ZFHX3: variants seen among roughly 807,000 people sequenced by gnomAD.
ZFHX3 encodes the protein zinc finger homeobox protein 3.
A neutral mutation model predicts 279.1 loss-of-function variants in ZFHX3; 42 were observed. The observed-to-expected ratio is 0.15, with a 90% CI of 0.12 to 0.19. The LOEUF is 0.19. Ranked by LOEUF, ZFHX3 falls within the 10% of genes least tolerant of loss-of-function variation. ZFHX3 has a pLI of 1.00. For synonymous variants in ZFHX3, 2,293 were observed against 1,957.8 expected, an observed-to-expected ratio of 1.17 and a Z score of -4.52; for missense variants, 4,981 against 4,754.0, an observed-to-expected ratio of 1.05 and a Z score of -1.40.
At chr16:73,717,439 C>G (rs1057514408) in intron 1 of ZFHX3, among the ~76,000 whole-genome samples, 1 of 152,196 alleles carries the variant, frequency 6.6e-6, no homozygotes, top group Admixed American at 6.5e-5. Context: ...GAGGCCACCA[C>G]TGTCTGGTTA....
intron 1 of ZFHX3, among the ~76,000 whole-genome samples, chr16:73,722,867 C>G (rs2053487234): frequency 6.6e-6 from 1 of 152,124 alleles, no homozygotes; most frequent in Non-Finnish European, 1.5e-5. Context: ...AGTAAGAGAG[C>G]TAGTCATTTC....
rs1182574181 is a variant in ZFHX3, at chr16:72,785,853, A to G, written c.*1311T>C. 6.6e-6 allele frequency: 1 copy of G among 152,218 alleles called. No homozygotes were observed. The highest frequency in any genetic ancestry group is 1.5e-5 in the Non-Finnish European group (1 of 68,022). 9.4% of individuals were successfully genotyped at this position (152,218 alleles called of 1,614,324 possible). A position where few individuals can be genotyped will look rare whatever the true frequency, so the allele number is the denominator to read the frequency against. On this transcript the variant is annotated 3_prime_UTR_variant, in exon 10 of 10. Transcript: ENST00000268489. ...AAGCCAAAAGAAGGATAAATAAAAA[A>G]TAAATGCACAAAGCTAACAGACACA...
At chr16:73,808,916 G>C (rs144874002) in intron 1 of ZFHX3, among the ~76,000 whole-genome samples, 6 of 152,326 alleles carry the variant, frequency 3.9e-5, no homozygotes, top group Middle Eastern at 3.4e-3. Context: ...AGAAGTTTAA[G>C]AGTCACAGCA....
At chr16:73,245,023 G>A (rs1199112619) in intron 5 of ZFHX3, among the ~76,000 whole-genome samples, 1 of 152,184 alleles carries the variant, frequency 6.6e-6, no homozygotes, top group African/African-American at 2.4e-5. Context: ...TTTGACCAGA[G>A]AAACTGGTGA....
chr16:73,275,933 C>T (rs974967908), intron 4 of ZFHX3, among the ~76,000 whole-genome samples: 3 of 152,012 alleles, frequency 2.0e-5, no homozygotes, highest in African/African-American at 4.8e-5. Flanking sequence ...TTCTATGGAC[C>T]GTATCCTTTG....
chr16:72,947,239 G>A (rs1960728412), intron 3 of ZFHX3, among the ~76,000 whole-genome samples: 1 of 152,086 alleles, frequency 6.6e-6, no homozygotes, highest in Non-Finnish European at 1.5e-5. Flanking sequence ...CTTCCAGGAG[G>A]TGCAAAAGAA....
chr16:72,907,042 C>T (rs964986226), intron 3 of ZFHX3, among the ~76,000 whole-genome samples: 1 of 152,202 alleles, frequency 6.6e-6, no homozygotes, highest in Non-Finnish European at 1.5e-5. Context: ...TATTAAGATG[C>T]AGTCAATCGC....
intron 3 of ZFHX3, among the ~76,000 whole-genome samples, chr16:73,447,960 A>C (rs1275195283): frequency 6.6e-6 from 1 of 152,238 alleles, no homozygotes; most frequent in Non-Finnish European, 1.5e-5. Flanking sequence ...GGAGTTGGTC[A>C]AACTGAAGGG....
At chr16:73,206,757 C>T (rs1043513249) in intron 5 of ZFHX3, among the ~76,000 whole-genome samples, 3 of 152,116 alleles carry the variant, frequency 2.0e-5, no homozygotes, top group African/African-American at 7.2e-5. Flanking sequence ...GTGGCTCATG[C>T]CTGTAATCCC....
At chr16:73,199,010 T>C (rs1968213375) in intron 5 of ZFHX3, among the ~76,000 whole-genome samples, 1 of 152,236 alleles carries the variant, frequency 6.6e-6, no homozygotes, top group Non-Finnish European at 1.5e-5. Context: ...CTCTCGACTT[T>C]GTGAACGTCC....
At chr16:73,545,888 A>AT (rs1282874089) in intron 2 of ZFHX3, among the ~76,000 whole-genome samples, 9 of 152,150 alleles carry the variant, frequency 5.9e-5, no homozygotes, top group African/African-American at 2.2e-4. Flanking sequence ...AAGATATTGC[A>AT]GGGGACAAAC....
At chr16:73,062,846 C>T (rs1439755657), upstream of ZFHX3, among the ~76,000 whole-genome samples, 1 of 152,222 alleles carries the variant, frequency 6.6e-6, no homozygotes, top group African/African-American at 2.4e-5. Flanking sequence ...GTGCGAGTCC[C>T]TTTTCGAATG....
At chr16:73,755,356 T>C (rs2053799178) in intron 1 of ZFHX3, among the ~76,000 whole-genome samples, 1 of 152,188 alleles carries the variant, frequency 6.6e-6, no homozygotes, top group African/African-American at 2.4e-5. Flanking sequence ...GGGAAAATCC[T>C]GGAGTTTAAA....
rs747160173 is a variant in ZFHX3, at chr16:72,960,098, G to A, written c.48C>T (p.Cys16=). ...SPVVSGKDNG[C]GIPQHQQWTE... is the part of the protein sequence containing the mutation. ...TCCATTGCTGGTGCTGAGGGATACCGCACCCATTGTCCTTCCCCGAGACGA... is the reference window on the plus strand; with the variant it reads ...TCCATTGCTGGTGCTGAGGGATACCACACCCATTGTCCTTCCCCGAGACGA... Residue 16 remains cysteine (C), a synonymous_variant, in exon 2 of 10, where the codon TGC becomes TGT. Transcript: ENST00000268489. The A allele has an allele frequency of 3.0e-5, 49 of 1,607,040 alleles. No individual in the cohort carries two copies. The East Asian group carries it at 3.1e-4, about 10-fold the overall frequency.
chr16:73,034,966 G>A (rs1020189507), intron 1 of ZFHX3, among the ~76,000 whole-genome samples: 1 of 152,194 alleles, frequency 6.6e-6, no homozygotes, highest in African/African-American at 2.4e-5. Flanking sequence ...TGGTCACAGG[G>A]GTGATGGCTG....
chr16:73,114,896 A>C (rs1310443170), intron 7 of ZFHX3, among the ~76,000 whole-genome samples: 1 of 151,958 alleles, frequency 6.6e-6, no homozygotes, highest in African/African-American at 2.4e-5. Context: ...GGGCTCAAGA[A>C]ATCCTCCCAC....
At chr16:73,410,714 G>C (rs554345094) in intron 3 of ZFHX3, among the ~76,000 whole-genome samples, 191 of 152,344 alleles carry the variant, frequency 1.3e-3, no homozygotes, top group African/African-American at 4.3e-3. Flanking sequence ...GATGGAGGAA[G>C]GACCCAACAA....
chr16:73,693,471 G>A (rs1002169362), intron 1 of ZFHX3, among the ~76,000 whole-genome samples: 4 of 152,094 alleles, frequency 2.6e-5, no homozygotes, highest in Non-Finnish European at 5.9e-5. Flanking sequence ...GAGCTGCACC[G>A]AGAAGTGTTC....
intron 2 of ZFHX3, chr16:73,679,673 A>G (rs75794828): frequency 1.5e-3 from 226 of 152,210 alleles, no homozygotes; most frequent in African/African-American, 5.2e-3. Flanking sequence ...TTTCCTTACT[A>G]TTGTATCTCA....
Sources: gnomAD v4.1 joint callset for allele counts (sites outside exome capture counted in the v4.1 genomes callset) on GRCh38, gnomAD v4.1.1 for gene constraint, MANE v1.5 for transcripts, NCBI Gene and HGNC (gene_info 2026-07-23, HGNC 2026-07-21) for gene names.